ANKRD36C: variants seen among roughly 807,000 people sequenced by gnomAD.
ANKRD36C encodes ankyrin repeat domain-containing protein 36C.
Under a neutral mutation model 276.4 loss-of-function variants are expected in ANKRD36C, and 61 were observed. That is an observed-to-expected ratio of 0.22 (90% CI 0.18 to 0.27). The LOEUF is 0.27. ANKRD36C is among the 10% of genes least tolerant of loss of function. The pLI, the probability that ANKRD36C is intolerant of heterozygous loss-of-function variation, is 1.00. For missense variants in ANKRD36C, 1,447 were observed against 2,032.3 expected (o/e 0.71, Z 5.54); for synonymous variants, 483 against 680.1 (o/e 0.71, Z 4.51).
intron 50 of ANKRD36C, 120 bp downstream of exon 70, chr2:95,887,805 T>C (rs1425528003): frequency 2.4e-6 from 3 of 1,252,566 alleles, no homozygotes; most frequent in Admixed American, 2.3e-5. Flanking sequence ...AAATGAAGAA[T>C]GTCAGGCCTG....
intron 6 of ANKRD36C, among the ~76,000 whole-genome samples, chr2:95,964,725 A>C (rs1479270469): frequency 6.6e-6 from 1 of 151,986 alleles, no homozygotes; most frequent in Non-Finnish European, 1.5e-5. Flanking sequence ...CTATGCTTTC[A>C]CATCATATTA....
chr2:95,855,763 A>G (rs2696784), exon 63 of ANKRD36C: 8 of 1,613,734 alleles, frequency 5.0e-6, no homozygotes, highest in Middle Eastern at 3.3e-4. Flanking sequence ...TGTAAATGAC[A>G]ACATTTATCT....
At chr2:95,880,217 A>G (rs1208170586) in intron 58 of ANKRD36C, among the ~76,000 whole-genome samples, 1 of 152,214 alleles carries the variant, frequency 6.6e-6, no homozygotes, top group Non-Finnish European at 1.5e-5. Flanking sequence ...AAAACAAAAC[A>G]AAACAAAAAC....
At chr2:95,880,565 A>C (rs1676054244) in intron 57 of ANKRD36C, 30 bp downstream of exon 77, 1 of 1,533,536 alleles carries the variant, frequency 6.5e-7, no homozygotes, top group African/African-American at 1.4e-5. Context: ...TGCAGTTAAT[A>C]ATTAAAAATA....
intron 59 of ANKRD36C, among the ~76,000 whole-genome samples, chr2:95,873,993 G>A (rs1019166714): frequency 6.6e-6 from 1 of 152,020 alleles, no homozygotes; most frequent in Admixed American, 6.5e-5. Flanking sequence ...ACCTCTTCAA[G>A]GAGAACTACA....
chr2:95,920,094 G>A (rs1329142149), intron 34 of ANKRD36C, among the ~76,000 whole-genome samples, 174 bp from the exon 35 acceptor site: 2 of 132,026 alleles, frequency 1.5e-5, no homozygotes, highest in African/African-American at 2.6e-5. Context: ...TGGTAAGAGG[G>A]AATACAGGCT....
chr2:95,869,244 A>G (rs984834278), intron 59 of ANKRD36C, among the ~76,000 whole-genome samples: 3 of 152,168 alleles, frequency 2.0e-5, no homozygotes, highest in African/African-American at 7.2e-5. Flanking sequence ...AATAATTTGC[A>G]TTAGCCTAAA....
At chr2:95,861,201 A>G (rs201928781) in intron 60 of ANKRD36C, among the ~76,000 whole-genome samples, 1 of 151,584 alleles carries the variant, frequency 6.6e-6, no homozygotes, top group Non-Finnish European at 1.5e-5. Flanking sequence ...GTTTTTTTTT[A>G]AAAAAAACAC....
intron 44 of ANKRD36C, among the ~76,000 whole-genome samples, chr2:95,896,547 G>A (rs1676557348): frequency 6.7e-6 from 1 of 149,244 alleles, no homozygotes; most frequent in Non-Finnish European, 1.5e-5. Flanking sequence ...TCATATTCAA[G>A]ATTATCTCAT....
At chr2:95,968,246 T>C (rs1299120185) in intron 6 of ANKRD36C, among the ~76,000 whole-genome samples, 5 of 152,226 alleles carry the variant, frequency 3.3e-5, no homozygotes, top group Non-Finnish European at 7.3e-5. Context: ...TTATTATTTA[T>C]ACTATTTGTA....
At chr2:95,963,132 C>A (rs1199953441) in intron 6 of ANKRD36C, among the ~76,000 whole-genome samples, 1 of 140,386 alleles carries the variant, frequency 7.1e-6, no homozygotes, top group African/African-American at 2.6e-5. Flanking sequence ...TTTCTCAGAA[C>A]CATGTGGTGT....
At chr2:95,887,895 C>A in intron 50 of ANKRD36C, 30 bp downstream of exon 70, 1 of 1,559,070 alleles carries the variant, frequency 6.4e-7, no homozygotes, top group Non-Finnish European at 8.7e-7. Flanking sequence ...CTGGACTGAA[C>A]ATGACATTAA....
At chr2:95,897,211 G>C (rs541576872) in intron 44 of ANKRD36C, 59 bp downstream of exon 60, 1 of 1,279,168 alleles carries the variant, frequency 7.8e-7, no homozygotes, top group South Asian at 1.3e-5. Context: ...TTTATTCACG[G>C]AAGAGAATTT....
intron 6 of ANKRD36C, among the ~76,000 whole-genome samples, chr2:95,973,626 T>C (rs1314308930): frequency 6.6e-6 from 1 of 152,194 alleles, no homozygotes. Context: ...CAGTTCTTCA[T>C]AGAACAGGTC....
At chr2:95,883,802 G>A (rs542195430) in intron 54 of ANKRD36C, among the ~76,000 whole-genome samples, 19 of 151,752 alleles carry the variant, frequency 1.3e-4, no homozygotes, top group African/African-American at 2.7e-4. Flanking sequence ...TCACTTTTCC[G>A]TCTGTTTTTA....
At chr2:95,991,038 T>C (rs2260902) in intron 1 of ANKRD36C, among the ~76,000 whole-genome samples, 29 of 151,932 alleles carry the variant, frequency 1.9e-4, no homozygotes, top group African/African-American at 2.9e-4. Flanking sequence ...TGCTCGCCCC[T>C]GCCAAGGTTT....
At chr2:95,916,982 A>C (rs770626565) in intron 36 of ANKRD36C, among the ~76,000 whole-genome samples, 1 of 151,624 alleles carries the variant, frequency 6.6e-6, no homozygotes, top group Non-Finnish European at 1.5e-5. Context: ...CCATTTTAGG[A>C]GTTAATTAGA....
At chr2:95,852,054 C>T (rs934772869) in intron 65 of ANKRD36C, 72 bp downstream of exon 85, 8 of 1,467,460 alleles carry the variant, frequency 5.5e-6, no homozygotes, top group African/African-American at 4.2e-5. Context: ...ATAACTGATA[C>T]AATTTTCATA....
chr2:95,903,114 A>C (rs1482792977), intron 42 of ANKRD36C, 33 bp from the exon 53 acceptor site: 14 of 1,551,070 alleles, frequency 9.0e-6, no homozygotes, highest in Admixed American at 1.9e-5. Flanking sequence ...AATCACTCAT[A>C]TGTAAAAATG....
Sources: allele counts gnomAD v4.1 joint callset (sites outside exome capture counted in the v4.1 genomes callset), GRCh38; gene constraint gnomAD v4.1.1; transcripts MANE v1.5; gene names NCBI Gene and HGNC (gene_info 2026-07-23, HGNC 2026-07-21).